The following LINGO2 variants were observed in gnomAD, a reference collection of about 807,000 sequenced individuals.
LINGO2 encodes the protein leucine rich repeat and Ig domain containing 2.
A neutral mutation model predicts 30.6 loss-of-function variants in LINGO2; 14 were observed. That is an observed-to-expected ratio of 0.46 (90% confidence interval 0.30 to 0.72). LINGO2 has a LOEUF of 0.72. LINGO2 is among the 30% of genes least tolerant of loss of function. The probability of loss-of-function intolerance (pLI) is 0.07; values close to 1 mark genes in which losing one functional copy is unlikely to be tolerated. For missense variants in LINGO2, 729 were observed against 751.7 expected, an observed-to-expected ratio of 0.97 and a Z score of 0.35; for synonymous variants, 317 against 288.5, an observed-to-expected ratio of 1.10 and a Z score of -1.00.
chr9:28,237,118 G>GA (rs918395249), intron 4 of LINGO2, among the ~76,000 whole-genome samples: 3 of 9,462 alleles, frequency 3.2e-4, no homozygotes, highest in African/African-American at 1.0e-3. Flanking sequence ...TAAACAGTGC[G>GA]GGGGGGGGGT....
the LINGO2 span, among the ~76,000 whole-genome samples, chr9:28,986,572 A>G: frequency 6.6e-6 from 1 of 151,968 alleles, no homozygotes; most frequent in Non-Finnish European, 1.5e-5. Context: ...ATAGTTTTCA[A>G]TATACAAGTC....
In LINGO2 at chr9:28,653,291, G is replaced by C. The variant is rs371660359; in HGVS notation, c.-365+16909C>G. On this transcript the variant is annotated intron_variant, in intron 1 of 5. Transcript: ENST00000379992. ...CATAATTTTGTGACTGTACCACCTG[G>C]AGCTAGGGGCCTCTTCAGTCACCTT... Among the ~76,000 whole-genome samples the C allele has an allele frequency of 1.8e-4, 28 of 152,164 alleles. No homozygotes were observed. The East Asian group carries it at 4.3e-3, about 23-fold the overall frequency.
intron 3 of LINGO2, among the ~76,000 whole-genome samples, chr9:28,351,666 C>A (rs974463501): frequency 6.0e-5 from 9 of 149,820 alleles, no homozygotes; most frequent in African/African-American, 2.2e-4. Flanking sequence ...CAGCATCATT[C>A]TGATACCAAA....
At chr9:29,151,835 A>G in the LINGO2 span, among the ~76,000 whole-genome samples, 21 of 152,322 alleles carry the variant, frequency 1.4e-4, 1 homozygote, top group East Asian at 2.9e-3. Flanking sequence ...CATTAGACAG[A>G]TCATTGAGGC....
chr9:28,522,696 C>T (rs1820870653), intron 1 of LINGO2, among the ~76,000 whole-genome samples: 1 of 151,984 alleles, frequency 6.6e-6, no homozygotes, highest in Non-Finnish European at 1.5e-5. Context: ...AAGAGCAGCA[C>T]AAATTCATTG....
intron 4 of LINGO2, among the ~76,000 whole-genome samples, chr9:28,184,963 CA>C (rs200518473): frequency 4.6e-5 from 7 of 151,080 alleles, no homozygotes; most frequent in African/African-American, 9.7e-5. Context: ...CAAAACAAAA[CA>C]AAAAAAAATC....
chr9:29,146,303 C>A, the LINGO2 span, among the ~76,000 whole-genome samples: 25 of 151,982 alleles, frequency 1.6e-4, no homozygotes, highest in African/African-American at 5.3e-4. Context: ...TGCAGTGAGT[C>A]GAGATCACAC....
chr9:28,227,665 A>G (rs184641025), intron 4 of LINGO2, among the ~76,000 whole-genome samples: 17 of 152,138 alleles, frequency 1.1e-4, no homozygotes, highest in Admixed American at 5.2e-4. Context: ...CTCCTAAAAG[A>G]CTGTTTAGAA....
At chr9:28,202,127 ACAC>A (rs1317018176) in intron 4 of LINGO2, among the ~76,000 whole-genome samples, 1 of 152,126 alleles carries the variant, frequency 6.6e-6, no homozygotes, top group African/African-American at 2.4e-5. Context: ...TTTTATAAGA[ACAC>A]CAGTCATATT....
At chr9:29,029,996 T>C in the LINGO2 span, among the ~76,000 whole-genome samples, 11 of 152,040 alleles carry the variant, frequency 7.2e-5, no homozygotes, top group Non-Finnish European at 1.5e-4. Context: ...TGTAGCAACT[T>C]ATAAAAGTTA....
At chr9:29,164,676 C>G in the LINGO2 span, among the ~76,000 whole-genome samples, 1 of 152,032 alleles carries the variant, frequency 6.6e-6, no homozygotes, top group East Asian at 1.9e-4. Context: ...AATATTAAAA[C>G]TAGATAACCT....
chr9:29,110,704 T>G, the LINGO2 span, among the ~76,000 whole-genome samples: 17 of 150,220 alleles, frequency 1.1e-4, no homozygotes, highest in Middle Eastern at 3.8e-3. Context: ...TTTTTTTCTT[T>G]TGATGAGACG....
At chr9:28,578,696 A>C (rs2135637264) in intron 1 of LINGO2, among the ~76,000 whole-genome samples, 1 of 152,016 alleles carries the variant, frequency 6.6e-6, no homozygotes, top group Admixed American at 6.6e-5. Context: ...CAACCACTTC[A>C]CTCTACGTAC....
the LINGO2 span, among the ~76,000 whole-genome samples, chr9:28,888,022 G>C: frequency 6.6e-6 from 1 of 152,036 alleles, no homozygotes; most frequent in African/African-American, 2.4e-5. Context: ...GAGGAATGTA[G>C]AAAAACACTG....
the LINGO2 span, among the ~76,000 whole-genome samples, chr9:29,080,600 T>C: frequency 6.6e-6 from 1 of 152,190 alleles, no homozygotes; most frequent in South Asian, 2.1e-4. Context: ...AATTTCCCTC[T>C]AAACATTGCT....
At chr9:28,173,778 TAA>T (rs1828666609) in intron 4 of LINGO2, among the ~76,000 whole-genome samples, 1 of 152,214 alleles carries the variant, frequency 6.6e-6, no homozygotes, top group South Asian at 2.1e-4. Flanking sequence ...ATGTAAATAT[TAA>T]GAGACTGATA....
At chr9:28,986,305 G>C in the LINGO2 span, among the ~76,000 whole-genome samples, 4 of 151,974 alleles carry the variant, frequency 2.6e-5, no homozygotes, top group African/African-American at 9.7e-5. Context: ...AATTCAGGTA[G>C]TGTGATGCCT....
chr9:28,040,440 T>G (rs999587687), intron 4 of LINGO2, among the ~76,000 whole-genome samples: 4 of 151,496 alleles, frequency 2.6e-5, no homozygotes, highest in Non-Finnish European at 5.9e-5. Flanking sequence ...TTTTTTTTTT[T>G]TTTTGGACAG....
chr9:28,424,938 T>A (rs1045100316), intron 2 of LINGO2, among the ~76,000 whole-genome samples: 4 of 152,146 alleles, frequency 2.6e-5, no homozygotes, highest in Non-Finnish European at 5.9e-5. Context: ...AATTTCTCAA[T>A]TTTTTTCTTC....
Sources: allele counts gnomAD v4.1 joint callset (sites outside exome capture counted in the v4.1 genomes callset), GRCh38; gene constraint gnomAD v4.1.1; transcripts MANE v1.5; gene names NCBI Gene and HGNC (gene_info 2026-07-23, HGNC 2026-07-21).